The following ZFYVE28 variants were observed in gnomAD, a reference collection of about 807,000 sequenced individuals.
ZFYVE28 encodes zinc finger FYVE-type containing 28, also known as lateral signaling target protein 2 homolog.
ZFYVE28 carries 40 observed loss-of-function variants against 82.1 expected under a neutral mutation model. The ratio of observed to expected loss-of-function variants is 0.49; its 90% CI spans 0.38 to 0.63. ZFYVE28 has a LOEUF of 0.63. Among genes scored for constraint, ZFYVE28 ranks in the 30% least tolerant of loss-of-function variants. ZFYVE28 has a pLI of 0.00. For synonymous variants in ZFYVE28, 612 were observed against 546.1 expected, an observed-to-expected ratio of 1.12 and a Z score of -1.68; for missense variants, 1,321 against 1,242.1, an observed-to-expected ratio of 1.06 and a Z score of -0.96.
At chr4:2,393,647 A>G (rs551393839) in intron 1 of ZFYVE28, among the ~76,000 whole-genome samples, 1 of 152,334 alleles carries the variant, frequency 6.6e-6, no homozygotes, top group Non-Finnish European at 1.5e-5. Flanking sequence ...GACATCATGC[A>G]TATGCAATAT....
rs1726362523 is a variant in ZFYVE28 at position 2,362,947 on chromosome 4, T to C, written c.40-8874A>G. Among the ~76,000 whole-genome samples the C allele has an allele frequency of 1.3e-5, 2 of 152,116 alleles. No homozygotes were observed. The highest frequency in any genetic ancestry group is 4.1e-4 in the South Asian group (2 of 4,822). On this transcript the variant is annotated intron_variant, in intron 1 of 12. Transcript: ENST00000290974. The surrounding 1 kb of genome is among the most constrained non-coding windows in gnomAD (Gnocchi z 5.1). ...CTCAGGACTCGGTACTGGCCCTCCC[T>C]GTGGCCTTCGGGCCCACACGTGGCA...
At chr4:2,279,607 G>A (rs144640655) in intron 8 of ZFYVE28, among the ~76,000 whole-genome samples, 1,702 of 152,052 alleles carry the variant, frequency 0.011, 34 homozygotes, top group African/African-American at 0.038. Context: ...ATGAAACCCT[G>A]TCTCTACTAA....
chr4:2,305,002 C>A lies in ZFYVE28; in HGVS notation c.1338G>T (p.Gly446=). Reference sequence around the variant, plus strand: ...CCTTTTCCGAGGCGGGCAAGCTGATCCCCGCCGCTCCGCCTGGCCCACCCT... The same window carrying A: ...CCTTTTCCGAGGCGGGCAAGCTGATACCCGCCGCTCCGCCTGGCCCACCCT... ...KGQGGPGGAA[G]ISLPASEKEE... Residue 446 remains glycine, a synonymous_variant, in exon 8 of 13, where the codon GGG becomes GGT. Transcript: ENST00000290974. 2 of 1,612,736 alleles carry A rather than the reference C, an allele frequency of 1.2e-6. No individual in the cohort carries two copies. Among genetic ancestry groups the A allele is most frequent in the African/African-American group, 2.7e-5 (2 of 75,050 alleles).
At chr4:2,374,939 G>T (rs540670354) in intron 1 of ZFYVE28, among the ~76,000 whole-genome samples, 2 of 152,168 alleles carry the variant, frequency 1.3e-5, no homozygotes, top group East Asian at 3.9e-4. Context: ...TTGGCACCTG[G>T]TGCCCGTGGA....
intron 6 of ZFYVE28, chr4:2,328,627 T>C (rs1720229412): frequency 6.5e-6 from 1 of 152,704 alleles, no homozygotes; most frequent in Non-Finnish European, 1.5e-5. Context: ...TCATAGATTA[T>C]AACACAACTT....
At chr4:2,325,093 T>C (rs1433030153) in intron 6 of ZFYVE28, 1 of 152,514 alleles carries the variant, frequency 6.6e-6, no homozygotes, top group Non-Finnish European at 1.5e-5. Context: ...TTGCTAAATA[T>C]ACTCTCACGT....
Position 2,339,725 on chromosome 4 carries a change from G to A in ZFYVE28, c.319-70C>T. On this transcript the variant is annotated intron_variant, in intron 3 of 12. Transcript: ENST00000290974. This position sits in a 1 kb window ranked among gnomAD's most constrained non-coding sequence, Gnocchi z 5.0. ...GGCTCTCAGGGGTCGCCGACCCGGGGAACCTGACTGCGCACCTCGGGGCCC... is the reference window on the plus strand; with the variant it reads ...GGCTCTCAGGGGTCGCCGACCCGGGAAACCTGACTGCGCACCTCGGGGCCC... The A allele has an allele frequency of 4.8e-6, 7 of 1,445,402 alleles. No individual in the cohort carries two copies. Among genetic ancestry groups the A allele is most frequent in the South Asian group, 1.3e-5 (1 of 75,918 alleles). 89.5% of individuals were successfully genotyped at this position (1,445,402 alleles called of 1,614,324 possible).
intron 8 of ZFYVE28, among the ~76,000 whole-genome samples, chr4:2,302,628 T>C (rs1715742861): frequency 6.6e-6 from 1 of 152,200 alleles, no homozygotes; most frequent in Admixed American, 6.5e-5. Flanking sequence ...CTCACAGGGA[T>C]CCACCCAGAT....
rs1311884774 is a variant in ZFYVE28 at position 2,353,993 on chromosome 4, C to G, written c.120G>C (p.Leu40=). The change falls in exon 2 of 13, where the codon CTG becomes CTC. Residue 40 remains leucine, a synonymous_variant. Coordinates refer to ENST00000290974, the MANE Select transcript of ZFYVE28 (RefSeq NM_020972.3). ...ACCGCTGGGGGTCCTTCCGCCCATCCAGGCTGTCCAGCTCCGCGGCCACCT... is the reference window on the plus strand; with the variant it reads ...ACCGCTGGGGGTCCTTCCGCCCATCGAGGCTGTCCAGCTCCGCGGCCACCT... ...LNQVAAELDS[L]DGRKDPQRCT... is the part of the protein sequence containing the mutation. The G allele has an allele frequency of 6.3e-7, 1 of 1,584,616 alleles. No homozygotes were observed. Among genetic ancestry groups the G allele is most frequent in the Admixed American group, 1.8e-5 (1 of 56,574 alleles).
At chr4:2,371,188 G>T (rs1727511759) in intron 1 of ZFYVE28, among the ~76,000 whole-genome samples, 2 of 152,222 alleles carry the variant, frequency 1.3e-5, no homozygotes, top group African/African-American at 4.8e-5. Context: ...GTGACCACAG[G>T]AAAGGGCAAA....
At chr4:2,410,689 GT>G (rs1732435310) in intron 1 of ZFYVE28, among the ~76,000 whole-genome samples, 1 of 151,924 alleles carries the variant, frequency 6.6e-6, no homozygotes, top group African/African-American at 2.4e-5. Context: ...TAGAGACGGG[GT>G]TTCACCGTGT....
At position 2,341,840 on chromosome 4, in the gene ZFYVE28, C is replaced by T. The variant is rs1328726156; in HGVS notation, c.181-225G>A. 2.0e-5 allele frequency among the ~76,000 whole-genome samples: 3 copies of T among 152,060 alleles called. No individual in the cohort carries two copies. Among genetic ancestry groups the T allele is most frequent in the South Asian group, 2.1e-4 (1 of 4,828 alleles). On this transcript the variant is annotated intron_variant, in intron 2 of 12. Transcript: ENST00000290974. This position sits in a 1 kb window ranked among gnomAD's most constrained non-coding sequence, Gnocchi z 4.5. ...TTTGAGACCAGCCTGGCCAACATGG[C>T]GAAACCCCATCTCTACTAAAAATAC...
chr4:2,291,368 T>G (rs1308905505), intron 8 of ZFYVE28, among the ~76,000 whole-genome samples: 4 of 152,164 alleles, frequency 2.6e-5, no homozygotes, highest in Admixed American at 6.5e-5. Flanking sequence ...CTGGAGCCAC[T>G]GGGGAGCAAG....
intron 1 of ZFYVE28, among the ~76,000 whole-genome samples, chr4:2,400,497 G>A (rs1275725905): frequency 3.9e-5 from 6 of 152,076 alleles, no homozygotes; most frequent in African/African-American, 1.4e-4. Context: ...GAGGCCCCCA[G>A]ACATCCCGGT....
chr4:2,417,363 T>C lies in ZFYVE28; in HGVS notation c.39+922A>G, dbSNP rs1733184564. ...CCGCGCCGAGCGCGCCCGGCCCTGC[T>C]CCGGCTGCAGCGGGCACGAGCCCCA... is the stretch of plus-strand genomic sequence containing the variant. On this transcript the variant is annotated intron_variant, in intron 1 of 12. Coordinates refer to ENST00000290974, the MANE Select transcript of ZFYVE28 (RefSeq NM_020972.3). The surrounding 1 kb of genome is among the most constrained non-coding windows in gnomAD (Gnocchi z 4.8). 6.6e-6 allele frequency among the ~76,000 whole-genome samples: 1 copy of C among 151,440 alleles called. No homozygotes were observed. The highest frequency in any genetic ancestry group is 6.6e-5 in the Admixed American group (1 of 15,214).
At chr4:2,396,142 G>GCA (rs1432603943) in intron 1 of ZFYVE28, among the ~76,000 whole-genome samples, 77 of 69,986 alleles carry the variant, frequency 1.1e-3, no homozygotes, top group Non-Finnish European at 1.3e-3. Flanking sequence ...TGTCTGAGCT[G>GCA]ATGGGACCAG....
intron 1 of ZFYVE28, among the ~76,000 whole-genome samples, chr4:2,376,999 T>C (rs1728214045): frequency 6.6e-6 from 1 of 152,002 alleles, no homozygotes; most frequent in Non-Finnish European, 1.5e-5. Flanking sequence ...CTATTTCTAT[T>C]GGACAGCACT....
intron 2 of ZFYVE28, among the ~76,000 whole-genome samples, chr4:2,350,271 T>C (rs1724184476): frequency 6.6e-6 from 1 of 152,064 alleles, no homozygotes. Flanking sequence ...GAGACCATCC[T>C]GGCTAACATG....
At chr4:2,301,391 C>G (rs188763836) in intron 8 of ZFYVE28, among the ~76,000 whole-genome samples, 10 of 152,264 alleles carry the variant, frequency 6.6e-5, no homozygotes, top group Admixed American at 6.5e-4. Flanking sequence ...TAAATTGAAC[C>G]GAACATGTAC....
Sources: gnomAD v4.1 joint callset for allele counts (sites outside exome capture counted in the v4.1 genomes callset) on GRCh38, gnomAD v4.1.1 for gene constraint, Gnocchi (gnomAD v3.1) non-coding constraint, MANE v1.5 for transcripts, NCBI Gene and HGNC (gene_info 2026-07-23, HGNC 2026-07-21) for gene names.